PTPRR: variants seen among roughly 807,000 people sequenced by gnomAD.
PTPRR encodes the protein protein tyrosine phosphatase receptor type R.
Under a neutral mutation model 77.2 loss-of-function variants are expected in PTPRR, and 38 were observed. The ratio of observed to expected loss-of-function variants is 0.49; its 90% CI spans 0.38 to 0.65. The LOEUF is 0.65. Ranked by LOEUF, PTPRR falls within the 30% of genes least tolerant of loss-of-function variation. The pLI, the probability that PTPRR is intolerant of heterozygous loss-of-function variation, is 0.00. For synonymous variants in PTPRR, 299 were observed against 283.1 expected (o/e 1.06, Z -0.57); for missense variants, 744 against 799.2 (o/e 0.93, Z 0.83).
intron 2 of PTPRR, among the ~76,000 whole-genome samples, chr12:70,792,506 T>C (rs1891438897): frequency 6.6e-6 from 1 of 152,192 alleles, no homozygotes; most frequent in South Asian, 2.1e-4. Flanking sequence ...AATAGTGGCA[T>C]CTCATAAGTG....
intron 8 of PTPRR, among the ~76,000 whole-genome samples, chr12:70,695,481 C>T (rs1284888474): frequency 6.6e-6 from 1 of 152,128 alleles, no homozygotes; most frequent in Non-Finnish European, 1.5e-5. Context: ...GAAAATCCAT[C>T]ATTTGCAACA....
intron 2 of PTPRR, among the ~76,000 whole-genome samples, chr12:70,873,799 T>C (rs547285999): frequency 6.6e-6 from 1 of 152,138 alleles, no homozygotes; most frequent in South Asian, 2.1e-4. Flanking sequence ...TAAGAGAAAA[T>C]ACATGTTTCC....
At chr12:70,648,290 T>C (rs1221302817) in intron 13 of PTPRR, among the ~76,000 whole-genome samples, 1 of 152,108 alleles carries the variant, frequency 6.6e-6, no homozygotes, top group Non-Finnish European at 1.5e-5. Flanking sequence ...GTTATGACTA[T>C]TGCGGCTATC....
At chr12:70,713,234 C>T (rs1182880297) in intron 6 of PTPRR, among the ~76,000 whole-genome samples, 1 of 152,142 alleles carries the variant, frequency 6.6e-6, no homozygotes, top group Non-Finnish European at 1.5e-5. Flanking sequence ...GTACTACATT[C>T]CTTTTCATGG....
chr12:70,714,456 G>T (rs141963883), intron 6 of PTPRR, among the ~76,000 whole-genome samples: 293 of 152,016 alleles, frequency 1.9e-3, no homozygotes, highest in Middle Eastern at 0.017. Flanking sequence ...ATATAAATTG[G>T]ATCATAAAAT....
At chr12:70,818,321 T>C (rs1260546276) in intron 2 of PTPRR, among the ~76,000 whole-genome samples, 1 of 151,402 alleles carries the variant, frequency 6.6e-6, no homozygotes, top group Non-Finnish European at 1.5e-5. Context: ...CTATCATCTA[T>C]CAACTATTTA....
intron 2 of PTPRR, among the ~76,000 whole-genome samples, chr12:70,794,029 C>G (rs917439595): frequency 6.6e-6 from 1 of 152,098 alleles, no homozygotes; most frequent in African/African-American, 2.4e-5. Context: ...CACAAGCTAA[C>G]CACATTTCTT....
intron 10 of PTPRR, among the ~76,000 whole-genome samples, chr12:70,666,883 C>CT (rs912445276): frequency 8.0e-6 from 1 of 124,556 alleles, no homozygotes; most frequent in African/African-American, 3.0e-5. Context: ...AAATAAAATA[C>CT]TTTTTTTATG....
At position 70,821,213 on chromosome 12, in the gene PTPRR, C is replaced by CTTTTTTTTTTT. The variant is rs61539990; in HGVS notation, c.358-56446_358-56436dup. On this transcript the variant is annotated intron_variant, in intron 2 of 13. Coordinates refer to ENST00000283228, the MANE Select transcript of PTPRR (RefSeq NM_002849.4). ...CAAAACATGTTGAAAGGGATCACTG[C>CTTTTTTTTTTT]TTTTTTTTTTTTTTTTTTTTTTTTT... 2.4e-3 allele frequency among the ~76,000 whole-genome samples: 76 copies of CTTTTTTTTTTT among 31,986 alleles called. 9 individuals carry two copies. The highest frequency in any genetic ancestry group is 4.0e-3 in the African/African-American group (43 of 10,818). 21.0% of individuals were successfully genotyped at this position (31,986 alleles called of 152,430 possible). A position where few individuals can be genotyped will look rare whatever the true frequency, so the allele number is the denominator to read the frequency against.
chr12:70,768,261 C>G (rs551159203), intron 2 of PTPRR, among the ~76,000 whole-genome samples: 1 of 152,256 alleles, frequency 6.6e-6, no homozygotes, highest in East Asian at 1.9e-4. Context: ...AATTGATAGA[C>G]TGCTAGCAAG....
intron 2 of PTPRR, among the ~76,000 whole-genome samples, chr12:70,884,652 G>C (rs1421052760): frequency 6.6e-6 from 1 of 151,832 alleles, no homozygotes; most frequent in African/African-American, 2.4e-5. Flanking sequence ...CGGATCACGA[G>C]GTCAGTAAAT....
At chr12:70,733,865 A>G (rs1397131280) in intron 6 of PTPRR, among the ~76,000 whole-genome samples, 8 of 152,248 alleles carry the variant, frequency 5.3e-5, no homozygotes, top group Non-Finnish European at 1.0e-4. Context: ...TCTAGAGGTC[A>G]TGTGCTAATA....
intron 4 of PTPRR, 134 bp from the exon 5 acceptor site, chr12:70,754,435 A>G: frequency 6.4e-7 from 1 of 1,565,542 alleles, no homozygotes; most frequent in Non-Finnish European, 8.6e-7. Context: ...CCGCTGCCAG[A>G]GCTGCTTCTC....
At chr12:70,890,201 T>G (rs1893311374) in intron 2 of PTPRR, among the ~76,000 whole-genome samples, 1 of 152,186 alleles carries the variant, frequency 6.6e-6, no homozygotes. Context: ...TTCTCTACAT[T>G]GTACTTGCAC....
At chr12:70,652,771 T>A (rs1886442569) in intron 13 of PTPRR, among the ~76,000 whole-genome samples, 1 of 152,114 alleles carries the variant, frequency 6.6e-6, no homozygotes, top group Admixed American at 6.6e-5. Context: ...GGCATTGTGA[T>A]GTGGTTTAAA....
chr12:70,675,166 T>C (rs1184777500), intron 10 of PTPRR, among the ~76,000 whole-genome samples: 2 of 152,180 alleles, frequency 1.3e-5, no homozygotes, highest in East Asian at 3.9e-4. Context: ...TAGTTTGGTG[T>C]ATTTTTTTCC....
intron 10 of PTPRR, among the ~76,000 whole-genome samples, chr12:70,679,855 A>G (rs527986462): frequency 6.6e-6 from 1 of 152,022 alleles, no homozygotes; most frequent in Non-Finnish European, 1.5e-5. Context: ...TGGCCACTCT[A>G]TATCTTTTAA....
intron 4 of PTPRR, 117 bp downstream of exon 4, chr12:70,761,354 T>A: frequency 9.9e-7 from 1 of 1,007,540 alleles, no homozygotes; most frequent in Non-Finnish European, 1.4e-6. Context: ...CAGGGAAATT[T>A]TTATTATCAA....
chr12:70,852,430 C>T (rs1355672678), intron 2 of PTPRR, among the ~76,000 whole-genome samples: 2 of 152,136 alleles, frequency 1.3e-5, no homozygotes, highest in Non-Finnish European at 2.9e-5. Context: ...GCAACTATGA[C>T]CTAGTTTCTG....
Sources: gnomAD v4.1 joint callset for allele counts (sites outside exome capture counted in the v4.1 genomes callset) on GRCh38, gnomAD v4.1.1 for gene constraint, MANE v1.5 for transcripts, NCBI Gene and HGNC (gene_info 2026-07-23, HGNC 2026-07-21) for gene names.